The following MYOM1 variants were observed in gnomAD, a reference collection of about 807,000 sequenced individuals.
MYOM1 encodes the protein myomesin 1, also known as myomesin-1.
In MYOM1, 164 loss-of-function variants were observed where a neutral mutation model predicts 205.3. That is an observed-to-expected ratio of 0.80 (90% CI 0.70 to 0.91). The LOEUF is 0.91. MYOM1 is among the 40% of genes least tolerant of loss of function. MYOM1 has a pLI of 0.00. For missense variants in MYOM1, 2,011 were observed against 2,127.3 expected (o/e 0.95, Z 1.08); for synonymous variants, 772 against 789.4 (o/e 0.98, Z 0.37).
At position 3,174,221 on chromosome 18, in the gene MYOM1, A is replaced by G; in HGVS notation, c.1023-13T>C. 1 of 1,606,466 alleles carries G rather than the reference A, an allele frequency of 6.2e-7. No homozygotes were observed. The highest frequency in any genetic ancestry group is 8.5e-7 in the Non-Finnish European group (1 of 1,174,254). ...TTCAAAATCACATCTGAAAGAACAG[A>G]CGGAAATGAATATCCATCGTAGTGA... On this transcript the variant is annotated splice_polypyrimidine_tract_variant and intron_variant, in intron 6 of 37. Transcript: ENST00000356443.
At chr18:3,207,675 C>T (rs1010150597) in intron 2 of MYOM1, among the ~76,000 whole-genome samples, 2 of 152,232 alleles carry the variant, frequency 1.3e-5, no homozygotes, top group Non-Finnish European at 2.9e-5. Flanking sequence ...TCAGTTACAC[C>T]CCACTACCTG....
chr18:3,184,376 T>C (rs1334475329), intron 5 of MYOM1, among the ~76,000 whole-genome samples: 1 of 152,180 alleles, frequency 6.6e-6, no homozygotes, highest in South Asian at 2.1e-4. Flanking sequence ...AATTTATTTA[T>C]TTAGTTTGTA....
chr18:3,104,807 C>T (rs2143772341), intron 22 of MYOM1, among the ~76,000 whole-genome samples: 1 of 118,834 alleles, frequency 8.4e-6, no homozygotes, highest in Non-Finnish European at 1.6e-5. Context: ...GGCTGGAGTA[C>T]AGTGGTGTGA....
rs745381788 is a variant in MYOM1 at position 3,154,935 on chromosome 18, C to T, written c.1643+12G>A. ...CCAAATAACTGTAATTGATGTTAGC[C>T]TAAGCACTAACTTATCAATAAAATA... On this transcript the variant is annotated intron_variant, in intron 11 of 37. Transcript: ENST00000356443. 6.2e-7 allele frequency: 1 copy of T among 1,607,482 alleles called. No homozygotes were observed. The highest frequency in any genetic ancestry group is 1.1e-5 in the South Asian group (1 of 89,628).
intron 13 of MYOM1, among the ~76,000 whole-genome samples, chr18:3,144,687 A>T (rs1298675194): frequency 6.6e-6 from 1 of 152,242 alleles, no homozygotes. Flanking sequence ...GAATAGCTAT[A>T]TTAAAAGTAG....
At chr18:3,114,712 G>A (rs934267770) in intron 21 of MYOM1, among the ~76,000 whole-genome samples, 2 of 151,648 alleles carry the variant, frequency 1.3e-5, no homozygotes, top group Admixed American at 1.3e-4. Context: ...TCTTATGTTT[G>A]AATTTTTCAT....
In MYOM1 at chr18:3,189,616, T is replaced by TC. The variant is rs2080877591; in HGVS notation, c.432-530dup. On this transcript the variant is annotated intron_variant, in intron 3 of 37. Transcript: ENST00000356443. The surrounding 1 kb of genome is among the most constrained non-coding windows in gnomAD (Gnocchi z 4.8). ...CTGAGGTGATCCACCAGCCTTGGCC[T>TC]CCCAAAGTGCTGGGATTACAGGCAT... Among the ~76,000 whole-genome samples the TC allele has an allele frequency of 6.6e-6, 1 of 152,226 alleles. No individual in the cohort carries two copies. The highest frequency in any genetic ancestry group is 6.5e-5 in the Admixed American group (1 of 15,278).
chr18:3,104,462 G>C (rs1036007414), intron 22 of MYOM1, among the ~76,000 whole-genome samples: 3 of 152,034 alleles, frequency 2.0e-5, no homozygotes, highest in African/African-American at 7.3e-5. Context: ...TTACATTAGA[G>C]GTATGACAAG....
Position 3,135,457 on chromosome 18 carries a change from T to C in MYOM1, c.2209+90A>G. The C allele has an allele frequency of 8.8e-7, 1 of 1,132,846 alleles. No homozygotes were observed. The highest frequency in any genetic ancestry group is 2.6e-5 in the East Asian group (1 of 38,544). 70.2% of individuals were successfully genotyped at this position (1,132,846 alleles called of 1,614,324 possible). A position where few individuals can be genotyped will look rare whatever the true frequency, so the allele number is the denominator to read the frequency against. The stretch of plus-strand genomic sequence containing the variant: ...AAATTTATAATATGAAAGAAGGATG[T>C]CACCATTTTTACTCCTGGCCAAATA... On this transcript the variant is annotated intron_variant, in intron 15 of 37. Transcript: ENST00000356443. The surrounding 1 kb of genome is among the most constrained non-coding windows in gnomAD (Gnocchi z 4.1).
chr18:3,173,527 C>T (rs2080590195), intron 8 of MYOM1, among the ~76,000 whole-genome samples: 1 of 150,930 alleles, frequency 6.6e-6, no homozygotes, highest in African/African-American at 2.4e-5. Flanking sequence ...TGATGCCCAT[C>T]TGGATATTTA....
At chr18:3,127,870 C>T (rs2079818302) in intron 18 of MYOM1, among the ~76,000 whole-genome samples, 1 of 152,188 alleles carries the variant, frequency 6.6e-6, no homozygotes, top group Admixed American at 6.5e-5. Context: ...TACTATACAG[C>T]TGTCACCATG....
chr18:3,189,409 G>T lies in MYOM1; in HGVS notation c.432-322C>A, dbSNP rs1304253114. Among the ~76,000 whole-genome samples the T allele has an allele frequency of 6.6e-6, 1 of 151,426 alleles. No homozygotes were observed. The highest frequency in any genetic ancestry group is 2.4e-5 in the African/African-American group (1 of 41,204). ...AGTCTCGCTCTTGTTGCCCAGGCTGGAGTGCAGTGGTGCGATCTCAGCTCA... is the reference window on the plus strand; with the variant it reads ...AGTCTCGCTCTTGTTGCCCAGGCTGTAGTGCAGTGGTGCGATCTCAGCTCA... On this transcript the variant is annotated intron_variant, in intron 3 of 37. Transcript: ENST00000356443. This position sits in a 1 kb window ranked among gnomAD's most constrained non-coding sequence, Gnocchi z 4.8.
chr18:3,159,354 A>T (rs1046524523), intron 10 of MYOM1, among the ~76,000 whole-genome samples: 5 of 152,220 alleles, frequency 3.3e-5, no homozygotes, highest in Non-Finnish European at 7.3e-5. Context: ...CTAAGCTGTA[A>T]GAATATCAGA....
chr18:3,211,705 C>T (rs529491084), intron 2 of MYOM1, among the ~76,000 whole-genome samples: 14 of 152,266 alleles, frequency 9.2e-5, no homozygotes, highest in African/African-American at 3.4e-4. Context: ...CTTTATAGCT[C>T]GTGGCTCAGA....
intron 5 of MYOM1, among the ~76,000 whole-genome samples, chr18:3,180,820 T>C (rs1446055147): frequency 6.6e-6 from 1 of 152,170 alleles, no homozygotes; most frequent in Non-Finnish European, 1.5e-5. Flanking sequence ...GCCGAGTTTA[T>C]AGTATGGGGT....
Position 3,209,421 on chromosome 18 carries a change from A to G in MYOM1, c.290+5513T>C, listed in dbSNP as rs1182817023. Among the ~76,000 whole-genome samples the G allele has an allele frequency of 6.6e-6, 1 of 152,232 alleles. No homozygotes were observed. The highest frequency in any genetic ancestry group is 1.5e-5 in the Non-Finnish European group (1 of 68,030). On this transcript the variant is annotated intron_variant, in intron 2 of 37. Transcript: ENST00000356443. The surrounding 1 kb of genome is among the most constrained non-coding windows in gnomAD (Gnocchi z 4.0). ...TCCTAACAAGGGAACTTGCTTCTGC[A>G]ACAGTCACAGTGATGCTGTTACCAC...
At chr18:3,161,666 A>C (rs2080392844) in intron 10 of MYOM1, among the ~76,000 whole-genome samples, 1 of 152,232 alleles carries the variant, frequency 6.6e-6, no homozygotes, top group African/African-American at 2.4e-5. Flanking sequence ...TTTCACATAC[A>C]GGAGAGAAAC....
intron 3 of MYOM1, among the ~76,000 whole-genome samples, chr18:3,190,747 C>T (rs970122008): frequency 1.3e-5 from 2 of 152,152 alleles, no homozygotes; most frequent in African/African-American, 4.8e-5. Flanking sequence ...TTGGAATTCT[C>T]TATGGAAGTC....
At chr18:3,127,305 ATT>A (rs1555620545) in intron 18 of MYOM1, among the ~76,000 whole-genome samples, 1,058 of 47,362 alleles carry the variant, frequency 0.022, 32 homozygotes, top group Admixed American at 0.15. Context: ...ATATATATAT[ATT>A]TTTTTTTTTT....
Sources: allele counts gnomAD v4.1 joint callset (sites outside exome capture counted in the v4.1 genomes callset), GRCh38; gene constraint gnomAD v4.1.1; non-coding constraint Gnocchi (gnomAD v3.1); transcripts MANE v1.5; gene names NCBI Gene and HGNC (gene_info 2026-07-23, HGNC 2026-07-21).